The following ACYP2 variants were observed in gnomAD, a reference collection of about 807,000 sequenced individuals.
ACYP2 encodes acylphosphatase-2.
A neutral mutation model predicts 11.2 loss-of-function variants in ACYP2; 12 were observed. The ratio of observed to expected loss-of-function variants is 1.08; its 90% CI spans 0.69 to 1.74. The LOEUF is 1.74. Ranked by LOEUF, ACYP2 falls within the 40% of genes most tolerant of loss-of-function variation. The pLI is 0.00. For missense variants in ACYP2, 134 were observed against 101.9 expected, an observed-to-expected ratio of 1.31 and a Z score of -1.35; for synonymous variants, 43 against 32.2, an observed-to-expected ratio of 1.33 and a Z score of -1.13.
chr2:53,991,883 ACTCGAGCTCTTGGC>A (rs1388183239), intron 2 of ACYP2, among the ~76,000 whole-genome samples: 1 of 151,888 alleles, frequency 6.6e-6, no homozygotes, highest in Non-Finnish European at 1.5e-5. Flanking sequence ...GGTACTGCAG[ACTCGAGCTCTTGGC>A]CTAAAGCAAT....
At chr2:54,069,080 C>A (rs1028488487) in intron 4 of ACYP2, among the ~76,000 whole-genome samples, 3 of 151,944 alleles carry the variant, frequency 2.0e-5, no homozygotes, top group African/African-American at 7.3e-5. Flanking sequence ...TGTGGCACCA[C>A]CACACCCAAC....
intron 2 of ACYP2, among the ~76,000 whole-genome samples, chr2:54,046,704 C>G (rs1558492936): frequency 6.6e-6 from 1 of 152,130 alleles, no homozygotes; most frequent in Admixed American, 6.5e-5. Context: ...CCTGTCCAAT[C>G]ACACAGGGCC....
chr2:54,229,460 T>G (rs1253658002), intron 6 of ACYP2, among the ~76,000 whole-genome samples: 1 of 152,224 alleles, frequency 6.6e-6, no homozygotes, highest in African/African-American at 2.4e-5. Flanking sequence ...TTATATCACT[T>G]TCTTATTCTG....
intron 6 of ACYP2, 48 bp downstream of exon 3, chr2:54,138,796 G>GT: frequency 6.7e-7 from 1 of 1,483,312 alleles, no homozygotes; most frequent in Non-Finnish European, 9.3e-7. Context: ...TGAGGCTGCT[G>GT]TTTTTTAGTT....
At chr2:54,275,616 G>A (rs983411166) in intron 6 of ACYP2, among the ~76,000 whole-genome samples, 3 of 152,152 alleles carry the variant, frequency 2.0e-5, no homozygotes, top group African/African-American at 7.2e-5. Flanking sequence ...GCTTCCCAAG[G>A]CTTTGACAGG....
intron 3 of ACYP2, among the ~76,000 whole-genome samples, chr2:54,055,188 C>T (rs1267093848): frequency 6.6e-6 from 1 of 152,090 alleles, no homozygotes; most frequent in Non-Finnish European, 1.5e-5. Flanking sequence ...AGGTGTGCAC[C>T]ACCACACCTA....
At chr2:54,062,948 T>C (rs1676544402) in intron 4 of ACYP2, among the ~76,000 whole-genome samples, 1 of 152,150 alleles carries the variant, frequency 6.6e-6, no homozygotes, top group Admixed American at 6.5e-5. Context: ...AATTCGACTA[T>C]TTAAAGCACA....
intron 2 of ACYP2, among the ~76,000 whole-genome samples, chr2:54,029,038 C>T (rs531449700): frequency 1.3e-5 from 2 of 152,112 alleles, no homozygotes; most frequent in African/African-American, 4.8e-5. Flanking sequence ...GGTGGTGTTG[C>T]CTGTGGTCCC....
intron 6 of ACYP2, among the ~76,000 whole-genome samples, chr2:54,208,364 T>A (rs1685169349): frequency 6.6e-6 from 1 of 152,054 alleles, no homozygotes; most frequent in South Asian, 2.1e-4. Flanking sequence ...GAAACTTCCA[T>A]CTATGTTTTT....
chr2:54,100,420 A>C (rs1178581610), intron 4 of ACYP2, among the ~76,000 whole-genome samples: 3 of 150,838 alleles, frequency 2.0e-5, no homozygotes, highest in African/African-American at 7.3e-5. Flanking sequence ...CTCTAATCTC[A>C]GCCTTGCAAG....
chr2:54,119,571 C>A (rs578099168), intron 4 of ACYP2, among the ~76,000 whole-genome samples: 1 of 152,098 alleles, frequency 6.6e-6, no homozygotes, highest in Non-Finnish European at 1.5e-5. Flanking sequence ...AAAATTGTTT[C>A]AATGACATGA....
chr2:54,005,442 C>G (rs184568645), intron 2 of ACYP2, among the ~76,000 whole-genome samples: 1 of 151,630 alleles, frequency 6.6e-6, no homozygotes, highest in African/African-American at 2.4e-5. Context: ...CAGGTTCAAG[C>G]GATCTTCCTG....
At chr2:54,156,671 A>G (rs921174712) in intron 6 of ACYP2, among the ~76,000 whole-genome samples, 2 of 151,904 alleles carry the variant, frequency 1.3e-5, no homozygotes, top group Admixed American at 1.3e-4. Flanking sequence ...TTATGTATTC[A>G]TTTTTATTTT....
At chr2:53,979,006 A>G (rs1671623670) in intron 2 of ACYP2, among the ~76,000 whole-genome samples, 1 of 151,948 alleles carries the variant, frequency 6.6e-6, no homozygotes, top group Non-Finnish European at 1.5e-5. Flanking sequence ...TAGTTTATGT[A>G]TTTGCTATAC....
At chr2:53,974,422 G>T (rs1269343500) in intron 2 of ACYP2, among the ~76,000 whole-genome samples, 1 of 152,178 alleles carries the variant, frequency 6.6e-6, no homozygotes, top group Admixed American at 6.5e-5. Flanking sequence ...AGTTGGAGAA[G>T]TTCTTTCTAT....
chr2:54,117,093 C>T lies in ACYP2; in HGVS notation c.278-18360C>T, dbSNP rs953252515. Among the ~76,000 whole-genome samples, 27 of 151,994 alleles carry T rather than the reference C, an allele frequency of 1.8e-4. 1 individual carries two copies. The highest frequency in any genetic ancestry group is 2.9e-4 in the Non-Finnish European group (20 of 67,998). ...AACGAGGAAGCTAGACTTTAGAGCG[C>T]AAAGAACCGAGCATACTGACATACT... On this transcript the variant is annotated intron_variant, in intron 4 of 6. Coordinates refer to ENST00000607452, the MANE Select transcript of ACYP2 (RefSeq NM_001320586.2).
intron 6 of ACYP2, among the ~76,000 whole-genome samples, chr2:54,291,379 C>G (rs566501286): frequency 6.6e-6 from 1 of 151,888 alleles, no homozygotes; most frequent in Non-Finnish European, 1.5e-5. Context: ...CCATACAGAC[C>G]GGCAAAAAAA....
At chr2:54,041,874 T>G (rs1243088416) in intron 2 of ACYP2, among the ~76,000 whole-genome samples, 1 of 152,128 alleles carries the variant, frequency 6.6e-6, no homozygotes, top group Non-Finnish European at 1.5e-5. Context: ...CACTGCAGCC[T>G]CAACCTCCTG....
In ACYP2 at chr2:54,069,820, G is replaced by C. The variant is rs1036526265; in HGVS notation, c.277+12460G>C. Reference sequence around the variant, plus strand: ...AGTTTTTGAATTTAGCTATGTAATTGACATAATTGTAGTTAGCAAGTTATA... The same window carrying C: ...AGTTTTTGAATTTAGCTATGTAATTCACATAATTGTAGTTAGCAAGTTATA... On this transcript the variant is annotated intron_variant, in intron 4 of 6. Transcript: ENST00000607452. Among the ~76,000 whole-genome samples, 10 of 152,282 alleles carry C rather than the reference G, an allele frequency of 6.6e-5. No homozygotes were observed. The East Asian group carries it at 1.3e-3, about 21-fold the overall frequency.
Sources: allele counts gnomAD v4.1 joint callset (sites outside exome capture counted in the v4.1 genomes callset), GRCh38; gene constraint gnomAD v4.1.1; transcripts MANE v1.5; gene names NCBI Gene and HGNC (gene_info 2026-07-23, HGNC 2026-07-21).